The following IMMP2L variants were observed in gnomAD, a reference collection of about 807,000 sequenced individuals.
IMMP2L encodes the protein inner mitochondrial membrane peptidase subunit 2.
In IMMP2L, 18 loss-of-function variants were observed where a neutral mutation model predicts 19.3. That is an observed-to-expected ratio of 0.93 (90% confidence interval 0.64 to 1.38). The LOEUF (loss-of-function observed/expected upper bound fraction) is 1.38, where lower values mean the gene tolerates loss of function less well. Among genes scored for constraint, IMMP2L ranks in the 40% most tolerant of loss-of-function variants. The pLI, the probability that IMMP2L is intolerant of heterozygous loss-of-function variation, is 0.00. For synonymous variants in IMMP2L, 76 were observed against 73.0 expected (o/e 1.04, Z -0.21); for missense variants, 233 against 218.2 (o/e 1.07, Z -0.43).
chr7:111,193,052 G>C (rs1273052989), intron 3 of IMMP2L, among the ~76,000 whole-genome samples: 1 of 152,094 alleles, frequency 6.6e-6, no homozygotes, highest in African/African-American at 2.4e-5. Context: ...ACTAAGAGAT[G>C]CATAAATGGA....
intron 1 of IMMP2L, among the ~76,000 whole-genome samples, chr7:111,553,952 G>A (rs1232025184): frequency 2.0e-5 from 3 of 152,208 alleles, no homozygotes; most frequent in East Asian, 1.9e-4. Context: ...TAGGCAGGAC[G>A]GGTATACTAC....
At position 111,049,806 on chromosome 7, in the gene IMMP2L, C is replaced by G. The variant is rs548378809; in HGVS notation, c.240-86241G>C. 2.6e-5 allele frequency among the ~76,000 whole-genome samples: 4 copies of G among 152,320 alleles called. No homozygotes were observed. The South Asian group carries it at 8.3e-4, about 32-fold the overall frequency. On this transcript the variant is annotated intron_variant, in intron 3 of 5. Coordinates refer to ENST00000405709, the MANE Select transcript of IMMP2L (RefSeq NM_032549.4). ...CAGTCAAAAGTTTTGCAGTTCAGCA[C>G]CCACACTGAGGCCATAAAGGGACTG...
chr7:111,501,770 T>C (rs1330009945), intron 2 of IMMP2L, among the ~76,000 whole-genome samples: 2 of 152,132 alleles, frequency 1.3e-5, no homozygotes, highest in Non-Finnish European at 2.9e-5. Context: ...GAGATGCACA[T>C]GCTGAGAGAT....
At chr7:111,384,060 T>A (rs916533481) in intron 3 of IMMP2L, among the ~76,000 whole-genome samples, 3 of 151,936 alleles carry the variant, frequency 2.0e-5, no homozygotes, top group African/African-American at 4.8e-5. Flanking sequence ...GGGGGAAACA[T>A]TTGAGATCAG....
intron 3 of IMMP2L, among the ~76,000 whole-genome samples, chr7:111,295,542 C>G (rs1045116197): frequency 6.6e-6 from 1 of 151,636 alleles, no homozygotes; most frequent in South Asian, 2.1e-4. Flanking sequence ...GAGAAGCATG[C>G]AGCAAACAAT....
intron 3 of IMMP2L, among the ~76,000 whole-genome samples, chr7:111,425,199 C>T (rs1835948187): frequency 6.6e-6 from 1 of 151,544 alleles, no homozygotes; most frequent in African/African-American, 2.4e-5. Flanking sequence ...TTTGGCAAAA[C>T]TAATCTATAG....
chr7:111,158,638 T>C (rs1179804116), intron 3 of IMMP2L, among the ~76,000 whole-genome samples: 1 of 152,182 alleles, frequency 6.6e-6, no homozygotes, highest in Non-Finnish European at 1.5e-5. Context: ...TATGATACTG[T>C]TTCTAAACAG....
intron 3 of IMMP2L, among the ~76,000 whole-genome samples, chr7:111,217,071 C>A (rs913237707): frequency 8.0e-5 from 12 of 150,180 alleles, no homozygotes; most frequent in Non-Finnish European, 1.5e-4. Flanking sequence ...CATTCCTCAT[C>A]TTCTGATCTC....
At chr7:111,259,585 C>T (rs1321919703) in intron 3 of IMMP2L, among the ~76,000 whole-genome samples, 2 of 151,928 alleles carry the variant, frequency 1.3e-5, no homozygotes, top group Non-Finnish European at 2.9e-5. Flanking sequence ...ATGCAGTGGG[C>T]TATAATGACA....
intron 5 of IMMP2L, among the ~76,000 whole-genome samples, chr7:110,688,689 A>G (rs1163529691): frequency 6.6e-6 from 1 of 152,076 alleles, no homozygotes; most frequent in East Asian, 1.9e-4. Context: ...AATTCTACGT[A>G]GCCATGAAAA....
chr7:110,871,614 A>C (rs1345881834), intron 5 of IMMP2L, among the ~76,000 whole-genome samples: 4 of 152,244 alleles, frequency 2.6e-5, no homozygotes, highest in African/African-American at 9.6e-5. Context: ...ATAAATGAGT[A>C]ATCTTTCAGA....
chr7:111,209,543 CCAAA>C lies in IMMP2L; in HGVS notation c.240-245982_240-245979del, dbSNP rs1461946328. 5.9e-5 allele frequency among the ~76,000 whole-genome samples: 9 copies of C among 152,020 alleles called. No homozygotes were observed. The East Asian group carries it at 1.2e-3, about 20-fold the overall frequency. ...CAGTATTTCTCTAGCCTAAATGCCA[CCAAA>C]CATTTAGCTATATTCAATCAACAAG... is the stretch of plus-strand genomic sequence containing the variant. On this transcript the variant is annotated intron_variant, in intron 3 of 5. Transcript: ENST00000405709.
intron 4 of IMMP2L, among the ~76,000 whole-genome samples, chr7:110,941,814 CT>C (rs945495454): frequency 6.6e-6 from 1 of 152,164 alleles, no homozygotes; most frequent in African/African-American, 2.4e-5. Context: ...CTGAATGCAT[CT>C]GCAAGTTTCT....
intron 5 of IMMP2L, among the ~76,000 whole-genome samples, chr7:110,720,429 C>T (rs1328989626): frequency 6.6e-6 from 1 of 152,106 alleles, no homozygotes; most frequent in Non-Finnish European, 1.5e-5. Flanking sequence ...AAGGGATGAG[C>T]TGAAGCAACA....
In IMMP2L at chr7:110,999,356, T is replaced by C. The variant is rs1823391225; in HGVS notation, c.240-35791A>G. ...TTTTTTTTTTTGAGATTCTGGATTG[T>C]ACCTCTTTTATTGGCATCTATGCTT... On this transcript the variant is annotated intron_variant, in intron 3 of 5. Transcript: ENST00000405709. Among the ~76,000 whole-genome samples, 3 of 148,640 alleles carry C rather than the reference T, an allele frequency of 2.0e-5. No individual in the cohort carries two copies. The South Asian group carries it at 6.3e-4, about 31-fold the overall frequency.
chr7:111,353,040 T>C (rs1828337979), intron 3 of IMMP2L, among the ~76,000 whole-genome samples: 1 of 152,118 alleles, frequency 6.6e-6, no homozygotes, highest in Non-Finnish European at 1.5e-5. Flanking sequence ...TAGTTAACCA[T>C]CTCCATCTAA....
chr7:111,328,080 A>G (rs905307408), intron 3 of IMMP2L, among the ~76,000 whole-genome samples: 5 of 151,796 alleles, frequency 3.3e-5, no homozygotes, highest in African/African-American at 9.7e-5. Context: ...CTCAGTCATA[A>G]TAGAACTAAT....
chr7:111,270,571 T>C (rs993665153), intron 3 of IMMP2L, among the ~76,000 whole-genome samples: 1 of 152,120 alleles, frequency 6.6e-6, no homozygotes, highest in Non-Finnish European at 1.5e-5. Flanking sequence ...GAGAAGAAAC[T>C]TTATGCTATT....
In IMMP2L at chr7:111,437,983, G is replaced by A. The variant is rs145017940; in HGVS notation, c.239+49255C>T. Among the ~76,000 whole-genome samples, 245 of 151,880 alleles carry A rather than the reference G, an allele frequency of 1.6e-3. 6 individuals carry two copies. The highest frequency in any genetic ancestry group is 5.7e-3 in the African/African-American group (236 of 41,212). On this transcript the variant is annotated intron_variant, in intron 3 of 5. Transcript: ENST00000405709. ...GGTGATGCAAACCCTCTCTAGGCAT[G>A]CATGCCAGGAAAAGCTGTTCCTCAA...
Sources: gnomAD v4.1 joint callset for allele counts (sites outside exome capture counted in the v4.1 genomes callset) on GRCh38, gnomAD v4.1.1 for gene constraint, MANE v1.5 for transcripts, NCBI Gene and HGNC (gene_info 2026-07-23, HGNC 2026-07-21) for gene names.